AGBL4: variants seen among roughly 807,000 people sequenced by gnomAD.
AGBL4 encodes cytosolic carboxypeptidase 6.
AGBL4 carries 58 observed loss-of-function variants against 66.4 expected under a neutral mutation model. The observed-to-expected ratio is 0.87, with a 90% CI of 0.71 to 1.09. AGBL4 has a LOEUF of 1.09. Ranked by LOEUF, AGBL4 falls within the 50% of genes least tolerant of loss-of-function variation. The pLI, the probability that AGBL4 is intolerant of heterozygous loss-of-function variation, is 0.00. For missense variants in AGBL4, 579 were observed against 631.0 expected, an observed-to-expected ratio of 0.92 and a Z score of 0.88; for synonymous variants, 234 against 222.9, an observed-to-expected ratio of 1.05 and a Z score of -0.44.
chr1:49,964,314 C>T (rs1418153248), intron 1 of AGBL4, among the ~76,000 whole-genome samples: 1 of 152,104 alleles, frequency 6.6e-6, no homozygotes, highest in Non-Finnish European at 1.5e-5. Flanking sequence ...TCTTATTAGG[C>T]TTCAGATACT....
intron 6 of AGBL4, among the ~76,000 whole-genome samples, chr1:48,746,732 C>G (rs1650825602): frequency 1.3e-5 from 2 of 152,178 alleles, no homozygotes; most frequent in African/African-American, 4.8e-5. Context: ...CTTACCCTCT[C>G]TGCAACTCAG....
chr1:48,866,992 C>A (rs1012133169), intron 6 of AGBL4, among the ~76,000 whole-genome samples, 199 bp downstream of exon 6: 5 of 152,094 alleles, frequency 3.3e-5, no homozygotes, highest in Admixed American at 1.3e-4. Context: ...CAAGAGGAGG[C>A]AGCACAGGGC....
At chr1:49,026,849 A>G (rs1663736745) in intron 5 of AGBL4, among the ~76,000 whole-genome samples, 1 of 152,136 alleles carries the variant, frequency 6.6e-6, no homozygotes, top group Non-Finnish European at 1.5e-5. Flanking sequence ...ATCTCATTAC[A>G]TGTGATTCAT....
At chr1:48,588,851 A>AGAAGAGAAGAGAAGAGAAGG (rs768116947) in intron 10 of AGBL4, among the ~76,000 whole-genome samples, 7,444 of 137,300 alleles carry the variant, frequency 0.054, 265 homozygotes, top group Admixed American at 0.071. Context: ...AGAAGAGAAG[A>AGAAGAGAAGAGAAGAGAAGG]GAAGAGAAGG....
In AGBL4 at chr1:49,845,734, G is replaced by A. The variant is rs922662507; in HGVS notation, c.157+5662C>T. The A allele has an allele frequency of 2.0e-5, 32 of 1,592,368 alleles. No individual in the cohort carries two copies. The African/African-American group carries it at 3.7e-4, about 19-fold the overall frequency. ...GACTGAGCATCAGAGGATTTACACG[G>A]GAGAGAAGCCCTATGGATGCAACGA... On this transcript the variant is annotated intron_variant, in intron 2 of 13. Transcript: ENST00000371839.
chr1:49,442,699 T>C (rs892732935), intron 3 of AGBL4, among the ~76,000 whole-genome samples: 4 of 152,234 alleles, frequency 2.6e-5, no homozygotes, highest in African/African-American at 7.2e-5. Flanking sequence ...CTATTGTAAA[T>C]AGTGCTGCAA....
At chr1:48,882,561 A>C (rs1052526463) in intron 5 of AGBL4, among the ~76,000 whole-genome samples, 3 of 152,292 alleles carry the variant, frequency 2.0e-5, no homozygotes, top group African/African-American at 7.2e-5. Context: ...CTTACCACAA[A>C]AAAAGTAAGT....
At chr1:48,538,698 T>A (rs1348307321) in intron 12 of AGBL4, among the ~76,000 whole-genome samples, 1 of 152,250 alleles carries the variant, frequency 6.6e-6, no homozygotes, top group Non-Finnish European at 1.5e-5. Flanking sequence ...TAATACAATG[T>A]ACACAAAGTA....
chr1:49,413,127 T>G (rs1388188818), intron 3 of AGBL4, among the ~76,000 whole-genome samples: 2 of 152,180 alleles, frequency 1.3e-5, no homozygotes, highest in African/African-American at 4.8e-5. Flanking sequence ...CACAACCTGG[T>G]AGTGTCCTTT....
chr1:49,834,392 G>T (rs1345284195), intron 2 of AGBL4, among the ~76,000 whole-genome samples: 1 of 152,204 alleles, frequency 6.6e-6, no homozygotes, highest in Non-Finnish European at 1.5e-5. Flanking sequence ...GGTATTCTCA[G>T]ATGGTAGTTT....
intron 4 of AGBL4, among the ~76,000 whole-genome samples, chr1:49,186,559 C>T (rs1315309995): frequency 6.6e-6 from 1 of 152,122 alleles, no homozygotes; most frequent in Non-Finnish European, 1.5e-5. Context: ...CCAAGCCTGA[C>T]ACATTGCGGG....
chr1:48,776,919 GCTAC>G, intron 6 of AGBL4: 1 of 639,922 alleles, frequency 1.6e-6, no homozygotes, highest in Non-Finnish European at 2.5e-6. Flanking sequence ...CGCGAGTCTC[GCTAC>G]GGTGCTGGGG....
chr1:49,607,865 T>C (rs1052724155), intron 3 of AGBL4, among the ~76,000 whole-genome samples: 6 of 152,180 alleles, frequency 3.9e-5, no homozygotes, highest in African/African-American at 1.4e-4. Context: ...AGCATGATTA[T>C]GTATTTGTGT....
intron 6 of AGBL4, among the ~76,000 whole-genome samples, chr1:48,731,006 G>C (rs1648037868): frequency 6.6e-6 from 1 of 152,174 alleles, no homozygotes; most frequent in South Asian, 2.1e-4. Flanking sequence ...CTCTGCTATC[G>C]GGTAAGGAAC....
rs150526324 is a variant in AGBL4 at position 49,214,905 on chromosome 1, T to C, written c.377+30865A>G. 5.3e-4 allele frequency among the ~76,000 whole-genome samples: 80 copies of C among 152,262 alleles called. No individual in the cohort carries two copies. In the East Asian group the frequency reaches 0.014, roughly 27 times the overall value. Reference sequence around the variant, plus strand: ...GAAAAGCAATTCTCAGTCTCTTTCTTATGAAGACAAAGGGAAGTTATTTGT... The same window carrying C: ...GAAAAGCAATTCTCAGTCTCTTTCTCATGAAGACAAAGGGAAGTTATTTGT... On this transcript the variant is annotated intron_variant, in intron 4 of 13. Transcript: ENST00000371839.
intron 4 of AGBL4, among the ~76,000 whole-genome samples, chr1:49,177,111 A>G (rs559356630): frequency 1.1e-4 from 17 of 152,286 alleles, no homozygotes; most frequent in Admixed American, 9.2e-4. Context: ...ATGGTACAGC[A>G]GGAAAAGTGC....
chr1:48,971,966 C>T (rs1012739905), intron 5 of AGBL4, among the ~76,000 whole-genome samples: 1 of 152,150 alleles, frequency 6.6e-6, no homozygotes, highest in South Asian at 2.1e-4. Context: ...CCTGGTGTTT[C>T]TCCATCTATG....
At chr1:49,917,271 C>T (rs1417726245) in intron 1 of AGBL4, among the ~76,000 whole-genome samples, 4 of 151,902 alleles carry the variant, frequency 2.6e-5, no homozygotes, top group African/African-American at 9.7e-5. Context: ...AAATGCTCCA[C>T]TTAAAAGACA....
chr1:49,434,888 A>G (rs1169058554), intron 3 of AGBL4, among the ~76,000 whole-genome samples: 4 of 152,132 alleles, frequency 2.6e-5, no homozygotes, highest in Non-Finnish European at 5.9e-5. Context: ...AGGGATTCCC[A>G]TCTCACTCTG....
Sources: gnomAD v4.1 joint callset for allele counts (sites outside exome capture counted in the v4.1 genomes callset) on GRCh38, gnomAD v4.1.1 for gene constraint, MANE v1.5 for transcripts, NCBI Gene and HGNC (gene_info 2026-07-23, HGNC 2026-07-21) for gene names.